The following KLHL7 variants were observed in gnomAD, a reference collection of about 807,000 sequenced individuals.
KLHL7 encodes kelch like family member 7.
KLHL7 carries 44 observed loss-of-function variants against 67.4 expected under a neutral mutation model. The ratio of observed to expected loss-of-function variants is 0.65; its 90% CI spans 0.51 to 0.84. KLHL7 has a LOEUF of 0.84. Ranked by LOEUF, KLHL7 falls within the 40% of genes least tolerant of loss-of-function variation. KLHL7 has a pLI of 0.00. For synonymous variants in KLHL7, 252 were observed against 243.3 expected (o/e 1.04, Z -0.33); for missense variants, 362 against 718.1 (o/e 0.50, Z 5.67).
chr7:23,129,294 C>A, intron 4 of KLHL7: 1 of 277,258 alleles, frequency 3.6e-6, no homozygotes. Flanking sequence ...ACCTCTCCAG[C>A]AGGGACTGCT....
At chr7:23,147,015 T>C (rs1382031912) in intron 6 of KLHL7, among the ~76,000 whole-genome samples, 1 of 151,086 alleles carries the variant, frequency 6.6e-6, no homozygotes. Context: ...ATGAGTAATT[T>C]TCTTAATTTA....
intron 6 of KLHL7, among the ~76,000 whole-genome samples, chr7:23,147,801 C>G (rs370240430): frequency 6.6e-6 from 1 of 152,294 alleles, no homozygotes; most frequent in East Asian, 1.9e-4. Context: ...ATTCAAACCT[C>G]GAACCTGCAT....
In KLHL7 at chr7:23,176,311, T is replaced by C. The variant is rs1277438214; in HGVS notation, c.*2013T>C. On this transcript the variant is annotated 3_prime_UTR_variant, in exon 11 of 11. Coordinates refer to ENST00000339077, the MANE Select transcript of KLHL7 (RefSeq NM_001031710.3). ...GGTTGCCAGCAATCCTCAGCATTCT[T>C]TGGCTTGTAGCTGCAGCACTTCAGT... 6.6e-6 allele frequency: 1 copy of C among 152,340 alleles called. No individual in the cohort carries two copies. Among genetic ancestry groups the C allele is most frequent in the Non-Finnish European group, 1.5e-5 (1 of 68,168 alleles). The allele number at this position is 152,340 out of a possible 1,614,324, so 9.4% of individuals were successfully genotyped here. A position where few individuals can be genotyped will look rare whatever the true frequency, so the allele number is the denominator to read the frequency against.
At chr7:23,151,163 T>TTTTTGTTTTG (rs1784522942) in intron 6 of KLHL7, among the ~76,000 whole-genome samples, 1 of 146,212 alleles carries the variant, frequency 6.8e-6, no homozygotes, top group African/African-American at 2.6e-5. Context: ...TTTTGTTTTT[T>TTTTTGTTTTG]TTTTTTTCTT....
chr7:23,131,040 C>A (rs1397314660), intron 4 of KLHL7, among the ~76,000 whole-genome samples: 2 of 152,162 alleles, frequency 1.3e-5, no homozygotes. Flanking sequence ...TCGCTGCCAA[C>A]CTATCTTAAG....
In KLHL7 at chr7:23,143,945, T is replaced by C. The variant is rs1042659245; in HGVS notation, c.713T>C (p.Ile238Thr). Residue 238 changes from isoleucine (I) to threonine (T), a missense_variant, in exon 6 of 11, where the codon ATA becomes ACA. By Grantham distance (89) the Ile-to-Thr change is moderately conservative. Coordinates refer to ENST00000339077, the MANE Select transcript of KLHL7 (RefSeq NM_001031710.3). ...DILAKVRFPL[I>T]SKNFLSKTVQ... ...CTTGCTAAAGTCAGGTTTCCTCTTA[T>C]ATCAAAGAATTTCTTAAGTAAAACG... 6.2e-7 allele frequency: 1 copy of C among 1,614,104 alleles called. No individual in the cohort carries two copies.
intron 1 of KLHL7, 144 bp downstream of exon 1, chr7:23,106,290 G>C (rs528164850): frequency 6.6e-7 from 1 of 1,519,170 alleles, no homozygotes; most frequent in East Asian, 2.5e-5. Context: ...GCAGGCGAGC[G>C]ATTCCGCAGT....
chr7:23,123,499 A>T (rs75002671), intron 1 of KLHL7, among the ~76,000 whole-genome samples: 5 of 152,118 alleles, frequency 3.3e-5, no homozygotes, highest in Non-Finnish European at 5.9e-5. Flanking sequence ...AAAAAAAAAA[A>T]AAGACTTCTC....
At chr7:23,124,999 A>G (rs1783514574) in intron 3 of KLHL7, 49 bp from the exon 4 acceptor site, 1 of 1,539,224 alleles carries the variant, frequency 6.5e-7, no homozygotes. Context: ...GTAACATTTA[A>G]ATAATAAAAA....
At chr7:23,120,145 G>A (rs1379751722) in intron 1 of KLHL7, among the ~76,000 whole-genome samples, 1 of 152,092 alleles carries the variant, frequency 6.6e-6, no homozygotes, top group Non-Finnish European at 1.5e-5. Flanking sequence ...AAGTAGCTGG[G>A]ACCACAAATG....
intron 4 of KLHL7, 175 bp from the exon 5 acceptor site, chr7:23,140,594 C>CTTATA: frequency 1.5e-6 from 1 of 682,108 alleles, no homozygotes; most frequent in Non-Finnish European, 2.6e-6. Context: ...AAAAACCAGT[C>CTTATA]TTTTATAAGA....
chr7:23,117,872 A>G (rs545092618), intron 1 of KLHL7: 5 of 1,613,720 alleles, frequency 3.1e-6, no homozygotes, highest in African/African-American at 1.3e-5. Flanking sequence ...TGAATCTACA[A>G]TCTGCTCAGG....
At chr7:23,155,176 A>G (rs1784662045) in intron 7 of KLHL7, among the ~76,000 whole-genome samples, 1 of 152,162 alleles carries the variant, frequency 6.6e-6, no homozygotes, top group African/African-American at 2.4e-5. Context: ...CTTTCTCAAT[A>G]GAAGACTGAG....
At chr7:23,144,335 C>G (rs1287521049) in intron 6 of KLHL7, among the ~76,000 whole-genome samples, 1 of 152,200 alleles carries the variant, frequency 6.6e-6, no homozygotes, top group Non-Finnish European at 1.5e-5. Flanking sequence ...AAGTAGTGTA[C>G]TGTGATCACA....
chr7:23,140,823 A>G lies in KLHL7; in HGVS notation c.497A>G (p.Asp166Gly). 6.2e-7 allele frequency: 1 copy of G among 1,613,956 alleles called. No homozygotes were observed. Reference protein sequence around the residue: ...LDCPELKATADDFIHQHFTEV... With the variant: ...LDCPELKATAGDFIHQHFTEV... ...TGTCCTGAATTGAAAGCAACTGCAG[A>G]TGACTTTATTCATCAGCACTTTACT... The change falls in exon 5 of 11, where the codon GAT becomes GGT. Residue 166 changes from aspartate (D) to glycine (G), a missense_variant. Asp to Gly is a moderately conservative substitution (Grantham distance 94, BLOSUM62 -1). Around this residue, in one of 5 missense-constraint regions of KLHL7, gnomAD observed 155 missense variants for 280.8 expected, o/e 0.55. Coordinates refer to ENST00000339077, the MANE Select transcript of KLHL7 (RefSeq NM_001031710.3).
chr7:23,122,169 G>T (rs1783381028), intron 1 of KLHL7, among the ~76,000 whole-genome samples: 1 of 151,784 alleles, frequency 6.6e-6, no homozygotes, highest in South Asian at 2.1e-4. Flanking sequence ...CTCCTTCAGT[G>T]CCTATAAAGT....
In KLHL7 at chr7:23,117,081, CTTTTTT is replaced by C. The variant is rs34692665; in HGVS notation, c.121-6677_121-6672del. Among the ~76,000 whole-genome samples the C allele has an allele frequency of 1.2e-3, 79 of 68,230 alleles. 2 individuals carry two copies. Among genetic ancestry groups the C allele is most frequent in the African/African-American group, 2.9e-3 (51 of 17,412 alleles). 44.8% of individuals were successfully genotyped at this position (68,230 alleles called of 152,430 possible). On this transcript the variant is annotated intron_variant, in intron 1 of 10. Coordinates refer to ENST00000339077, the MANE Select transcript of KLHL7 (RefSeq NM_001031710.3). ...TCATAAAATTTTCCTAGAGCCAGGC[CTTTTTT>C]TTTTTTTTTTTTTTTTTTGAGATCA... is the stretch of plus-strand genomic sequence containing the variant.
chr7:23,172,699 T>C, intron 9 of KLHL7: 1 of 342,634 alleles, frequency 2.9e-6, no homozygotes, highest in Non-Finnish European at 5.3e-6. Context: ...TGTTTTTTAA[T>C]AGATATCCTC....
At position 23,175,912 on chromosome 7, in the gene KLHL7, G is replaced by C. The variant is rs1049030463; in HGVS notation, c.*1614G>C. 2 of 123,614 alleles carry C rather than the reference G, an allele frequency of 1.6e-5. No homozygotes were observed. The highest frequency in any genetic ancestry group is 6.6e-5 in the African/African-American group (2 of 30,490). 7.7% of individuals were successfully genotyped at this position (123,614 alleles called of 1,614,324 possible). ...ACAGGCAGAGGTTGCAGTGAGCTGA[G>C]ATCAAGCCACTGCACCCCAGCCTGG... On this transcript the variant is annotated 3_prime_UTR_variant, in exon 11 of 11. Coordinates refer to ENST00000339077, the MANE Select transcript of KLHL7 (RefSeq NM_001031710.3).
Sources: allele counts gnomAD v4.1 joint callset (sites outside exome capture counted in the v4.1 genomes callset), GRCh38; gene constraint gnomAD v4.1.1; regional missense constraint gnomAD v4.1.1; transcripts MANE v1.5; gene names NCBI Gene and HGNC (gene_info 2026-07-23, HGNC 2026-07-21).